The following NVL variants were observed in gnomAD, a reference collection of about 807,000 sequenced individuals.
NVL encodes the protein nuclear valosin-containing protein-like.
NVL carries 84 observed loss-of-function variants against 110.2 expected under a neutral mutation model. That is an observed-to-expected ratio of 0.76 (90% CI 0.64 to 0.91). NVL has a LOEUF of 0.91. NVL is among the 40% of genes least tolerant of loss of function. The probability of loss-of-function intolerance (pLI) is 0.00; values close to 1 mark genes in which losing one functional copy is unlikely to be tolerated. For synonymous variants in NVL, 354 were observed against 361.1 expected (o/e 0.98, Z 0.22); for missense variants, 882 against 1,035.9 (o/e 0.85, Z 2.04).
At chr1:224,267,664 G>A (rs1664624389) in intron 18 of NVL, among the ~76,000 whole-genome samples, 1 of 149,430 alleles carries the variant, frequency 6.7e-6, no homozygotes, top group African/African-American at 2.5e-5. Context: ...GCCAGCCTGG[G>A]TGACAGAGCG....
At chr1:224,291,464 T>C (rs1667371108) in intron 12 of NVL, among the ~76,000 whole-genome samples, 1 of 152,224 alleles carries the variant, frequency 6.6e-6, no homozygotes. Flanking sequence ...TATTTTCAAA[T>C]GTCAAGCTAA....
chr1:224,240,377 G>A (rs141497575), intron 19 of NVL, among the ~76,000 whole-genome samples: 3,526 of 151,800 alleles, frequency 0.023, 45 homozygotes, highest in Middle Eastern at 0.044. Flanking sequence ...CCAACGCTGG[G>A]TAGTTTTTGT....
chr1:224,288,806 G>A (rs376053150), intron 13 of NVL, among the ~76,000 whole-genome samples: 25 of 152,190 alleles, frequency 1.6e-4, no homozygotes, highest in African/African-American at 5.8e-4. Flanking sequence ...AGCCATCTGT[G>A]CAAGCTATAA....
Position 224,300,586 on chromosome 1 carries a change from C to T in NVL, c.1038G>A (p.Leu346=), listed in dbSNP as rs1668301023. Residue 346 remains leucine, a synonymous_variant, in exon 10 of 23, where the codon CTG becomes CTA. Coordinates refer to ENST00000281701, the MANE Select transcript of NVL (RefSeq NM_002533.4). ...CCACAGCTTGCTCAAATAGTTCTCT[C>T]AGCTTCTGCTCAGACTCTCCGGATA... is the stretch of plus-strand genomic sequence containing the variant. The part of the protein sequence containing the change: ...SGVSGESEQK[L]RELFEQAVSN... 1 of 1,613,766 alleles carries T rather than the reference C, an allele frequency of 6.2e-7. No homozygotes were observed. Among genetic ancestry groups the T allele is most frequent in the African/African-American group, 1.3e-5 (1 of 74,918 alleles).
At chr1:224,236,471 C>T in intron 20 of NVL, 35 bp downstream of exon 20, 2 of 1,526,702 alleles carry the variant, frequency 1.3e-6, no homozygotes, top group Non-Finnish European at 1.8e-6. Flanking sequence ...AATTGAACCC[C>T]AGAGAGTGAA....
intron 18 of NVL, among the ~76,000 whole-genome samples, chr1:224,259,559 T>A (rs1663716862): frequency 6.6e-6 from 1 of 152,166 alleles, no homozygotes; most frequent in South Asian, 2.1e-4. Flanking sequence ...ACACTATAAA[T>A]ATATCCATTG....
chr1:224,245,977 T>C (rs1441829793), intron 19 of NVL, among the ~76,000 whole-genome samples: 2 of 151,978 alleles, frequency 1.3e-5, no homozygotes, highest in Non-Finnish European at 2.9e-5. Context: ...TTCACAACTT[T>C]GTGCTTGGAA....
rs141787911 is a variant in NVL, at chr1:224,314,850, T to G, written c.284+2844A>C. Among the ~76,000 whole-genome samples, 581 of 152,082 alleles carry G rather than the reference T, an allele frequency of 3.8e-3. 3 individuals carry two copies. Among genetic ancestry groups the G allele is most frequent in the African/African-American group, 0.013 (546 of 41,476 alleles). Reference sequence around the variant, plus strand: ...GTAAATCGAATCCAATTAATACCCTTTTTTTCAAAAATTAGCCGGGCATGG... The same window carrying G: ...GTAAATCGAATCCAATTAATACCCTGTTTTTCAAAAATTAGCCGGGCATGG... On this transcript the variant is annotated intron_variant, in intron 4 of 22. Coordinates refer to ENST00000281701, the MANE Select transcript of NVL (RefSeq NM_002533.4).
At chr1:224,317,066 G>C (rs909900813) in intron 4 of NVL, among the ~76,000 whole-genome samples, 4 of 151,296 alleles carry the variant, frequency 2.6e-5, no homozygotes, top group Non-Finnish European at 5.9e-5. Context: ...TTGAACCCGG[G>C]GGGCAGAGGT....
chr1:224,245,997 C>T (rs988181408), intron 19 of NVL, among the ~76,000 whole-genome samples: 3 of 151,940 alleles, frequency 2.0e-5, no homozygotes, highest in Admixed American at 1.3e-4. Context: ...AGCTGCAGGG[C>T]TCCTCTCTGT....
At chr1:224,300,911 C>T (rs756934480) in intron 9 of NVL, among the ~76,000 whole-genome samples, 1 of 151,824 alleles carries the variant, frequency 6.6e-6, no homozygotes, top group Non-Finnish European at 1.5e-5. Context: ...TCGAGACCAC[C>T]CTGACCAACA....
intron 19 of NVL, among the ~76,000 whole-genome samples, chr1:224,249,288 C>G (rs186732204): frequency 1.4e-4 from 22 of 152,234 alleles, no homozygotes; most frequent in African/African-American, 5.1e-4. Flanking sequence ...TGAAGTCCAG[C>G]TAATTTTTGT....
intron 14 of NVL, among the ~76,000 whole-genome samples, chr1:224,287,457 T>TA (rs2102622848): frequency 6.6e-6 from 1 of 152,176 alleles, no homozygotes; most frequent in South Asian, 2.1e-4. Flanking sequence ...AAAGAAAACA[T>TA]AAACATTAGA....
intron 15 of NVL, among the ~76,000 whole-genome samples, chr1:224,282,325 T>C (rs1310848129): frequency 6.6e-5 from 10 of 152,148 alleles, no homozygotes; most frequent in Non-Finnish European, 1.5e-4. Flanking sequence ...ATAAATCAAA[T>C]GGAAATGACA....
intron 18 of NVL, among the ~76,000 whole-genome samples, chr1:224,263,065 A>C (rs191703760): frequency 6.6e-6 from 1 of 152,326 alleles, no homozygotes; most frequent in East Asian, 1.9e-4. Flanking sequence ...AATAGCCATA[A>C]GAGCATATTT....
At chr1:224,295,836 C>T (rs547072142) in intron 11 of NVL, among the ~76,000 whole-genome samples, 5 of 151,560 alleles carry the variant, frequency 3.3e-5, no homozygotes, top group East Asian at 3.9e-4. Context: ...TGTGGTGGCA[C>T]GCACCTGTAA....
At chr1:224,268,672 T>C (rs1664743443) in intron 17 of NVL, among the ~76,000 whole-genome samples, 1 of 151,118 alleles carries the variant, frequency 6.6e-6, no homozygotes, top group African/African-American at 2.4e-5. Flanking sequence ...TTGTTTTGTT[T>C]TTTGAGATGA....
chr1:224,227,704 G>A (rs577604299), intron 22 of NVL, 34 bp from the exon 23 acceptor site: 93 of 1,595,484 alleles, frequency 5.8e-5, no homozygotes, highest in South Asian at 5.7e-4. Flanking sequence ...TACAGAGACC[G>A]TCACTGCTTG....
At chr1:224,290,734 G>A (rs1404494033) in intron 12 of NVL, among the ~76,000 whole-genome samples, 2 of 151,186 alleles carry the variant, frequency 1.3e-5, no homozygotes, top group Admixed American at 6.6e-5. Flanking sequence ...CCTGGGAGGC[G>A]GAGCTTGCAG....
Sources: allele counts gnomAD v4.1 joint callset (sites outside exome capture counted in the v4.1 genomes callset), GRCh38; gene constraint gnomAD v4.1.1; transcripts MANE v1.5; gene names NCBI Gene and HGNC (gene_info 2026-07-23, HGNC 2026-07-21).